ACOXL: variants seen among roughly 807,000 people sequenced by gnomAD.
ACOXL encodes the protein acyl-CoA oxidase like, also known as acyl-coenzyme A oxidase-like protein.
A neutral mutation model predicts 71.9 loss-of-function variants in ACOXL; 70 were observed. The observed-to-expected ratio is 0.97, with a 90% CI of 0.80 to 1.19. The LOEUF (loss-of-function observed/expected upper bound fraction) is 1.19. ACOXL is among the 50% of genes most tolerant of loss of function. ACOXL has a pLI of 0.00. For synonymous variants in ACOXL, 253 were observed against 281.6 expected (o/e 0.90, Z 1.02); for missense variants, 703 against 736.3 (o/e 0.95, Z 0.52).
At chr2:111,037,890 T>C (rs113761321) in intron 15 of ACOXL, among the ~76,000 whole-genome samples, 2 of 152,248 alleles carry the variant, frequency 1.3e-5, no homozygotes, top group African/African-American at 4.8e-5. Flanking sequence ...CTTGAGTTTT[T>C]GAAAGTCTTT....
chr2:110,844,550 C>CTTTTTTTTTT (rs72290322), intron 10 of ACOXL, among the ~76,000 whole-genome samples: 1 of 133,538 alleles, frequency 7.5e-6, no homozygotes, highest in Non-Finnish European at 1.6e-5. Flanking sequence ...CTTTTCTTTT[C>CTTTTTTTTTT]TTTTTTTTTT....
chr2:111,081,889 C>T (rs1574702871), intron 16 of ACOXL, among the ~76,000 whole-genome samples: 1 of 152,294 alleles, frequency 6.6e-6, no homozygotes, highest in Admixed American at 6.5e-5. Context: ...ATCATCTGAT[C>T]TTTGACAAAC....
intron 14 of ACOXL, among the ~76,000 whole-genome samples, chr2:111,026,101 A>G (rs565969281): frequency 6.6e-6 from 1 of 152,226 alleles, no homozygotes; most frequent in East Asian, 1.9e-4. Flanking sequence ...TGAACTCTCT[A>G]CTGTGTTCTA....
At chr2:110,947,934 G>A (rs1184076197) in intron 12 of ACOXL, among the ~76,000 whole-genome samples, 1 of 152,202 alleles carries the variant, frequency 6.6e-6, no homozygotes, top group Non-Finnish European at 1.5e-5. Flanking sequence ...CTCCATCTTG[G>A]CTCCTTTGAA....
intron 10 of ACOXL, among the ~76,000 whole-genome samples, chr2:110,875,819 A>T (rs1695828691): frequency 6.6e-6 from 1 of 152,058 alleles, no homozygotes; most frequent in Non-Finnish European, 1.5e-5. Flanking sequence ...ACCTAAGTGA[A>T]GCTGTTGAAA....
Position 111,117,741 on chromosome 2 carries a change from C to G in ACOXL, c.1668C>G (p.Phe556Leu), listed in dbSNP as rs903381067. 6.4e-7 allele frequency: 1 copy of G among 1,551,626 alleles called. No individual in the cohort carries two copies. Among genetic ancestry groups the G allele is most frequent in the Non-Finnish European group, 8.7e-7 (1 of 1,147,002 alleles). Residue 556 changes from phenylalanine (F) to leucine (L), a missense_variant, in exon 18 of 18, where the codon TTC (phenylalanine) becomes TTG (leucine). Physicochemically the swap from Phe to Leu is conservative, Grantham distance 22. Transcript: ENST00000439055. ...GISNPRAAWA[F>L]YPAPLQPRPR... Reference sequence around the variant, plus strand: ...CCAACCCGCGGGCCGCGTGGGCTTTCTACCCTGCACCGCTGCAGCCGCGGC... The same window carrying G: ...CCAACCCGCGGGCCGCGTGGGCTTTGTACCCTGCACCGCTGCAGCCGCGGC...
At chr2:111,089,109 G>A (rs1263173896) in intron 16 of ACOXL, among the ~76,000 whole-genome samples, 1 of 152,106 alleles carries the variant, frequency 6.6e-6, no homozygotes, top group Non-Finnish European at 1.5e-5. Flanking sequence ...GACCATCCTG[G>A]CCAACATGGT....
At chr2:110,758,328 T>C (rs1679963760) in intron 1 of ACOXL, among the ~76,000 whole-genome samples, 1 of 152,254 alleles carries the variant, frequency 6.6e-6, no homozygotes, top group South Asian at 2.1e-4. Context: ...AATAGTGTGA[T>C]GCTTCCAGCT....
intron 15 of ACOXL, among the ~76,000 whole-genome samples, chr2:111,041,023 G>A (rs899090437): frequency 6.6e-6 from 1 of 152,108 alleles, no homozygotes; most frequent in Admixed American, 6.5e-5. Flanking sequence ...TGCGTGGAGG[G>A]GTGGGTTCTG....
At chr2:110,881,541 G>GCATGGCAC (rs1361187097) in intron 10 of ACOXL, among the ~76,000 whole-genome samples, 1 of 151,962 alleles carries the variant, frequency 6.6e-6, no homozygotes, top group Non-Finnish European at 1.5e-5. Context: ...CACATTCATG[G>GCATGGCAC]CATGGCACCA....
chr2:110,793,560 C>T (rs893504615), intron 3 of ACOXL, 90 bp from the exon 4 acceptor site: 26 of 1,216,904 alleles, frequency 2.1e-5, no homozygotes, highest in Admixed American at 6.8e-5. Context: ...GGCTGAATAG[C>T]TGCTCCCTGA....
intron 10 of ACOXL, among the ~76,000 whole-genome samples, chr2:110,906,716 G>A (rs928756215): frequency 3.9e-5 from 6 of 152,162 alleles, no homozygotes; most frequent in African/African-American, 1.4e-4. Flanking sequence ...AAGCTCTGGA[G>A]CATGGGGCCA....
At chr2:110,837,186 G>A (rs991395199) in intron 9 of ACOXL, among the ~76,000 whole-genome samples, 112 of 152,258 alleles carry the variant, frequency 7.4e-4, no homozygotes, top group Middle Eastern at 6.8e-3. Context: ...TGGACTTGGA[G>A]CTGGGAGACT....
chr2:110,797,147 A>T (rs375118608), intron 5 of ACOXL, among the ~76,000 whole-genome samples: 1 of 152,190 alleles, frequency 6.6e-6, no homozygotes, highest in South Asian at 2.1e-4. Context: ...GGGAGAGCCA[A>T]GAAGTGAGGG....
intron 10 of ACOXL, among the ~76,000 whole-genome samples, chr2:110,844,540 C>T (rs1012731720): frequency 1.6e-3 from 232 of 145,220 alleles, no homozygotes; most frequent in African/African-American, 5.1e-3. Context: ...CTTTTTTTTT[C>T]TTTTCTTTTC....
chr2:111,030,924 C>G (rs1312004097), intron 14 of ACOXL, among the ~76,000 whole-genome samples: 2 of 152,158 alleles, frequency 1.3e-5, no homozygotes, highest in Non-Finnish European at 2.9e-5. Flanking sequence ...TTTCTGTTCT[C>G]TGTGCCTTCT....
At chr2:110,988,165 T>C (rs1290126452) in intron 13 of ACOXL, among the ~76,000 whole-genome samples, 1 of 152,204 alleles carries the variant, frequency 6.6e-6, no homozygotes, top group African/African-American at 2.4e-5. Flanking sequence ...CAGCCAGACA[T>C]GGTGGCTCAT....
At chr2:110,767,949 CACACACA>C (rs1681320720) in intron 1 of ACOXL, among the ~76,000 whole-genome samples, 2 of 150,386 alleles carry the variant, frequency 1.3e-5, no homozygotes, top group Non-Finnish European at 3.0e-5. Context: ...CACACACACA[CACACACA>C]CACACACACA....
At chr2:111,081,315 C>T (rs1045703866) in intron 16 of ACOXL, among the ~76,000 whole-genome samples, 1 of 152,206 alleles carries the variant, frequency 6.6e-6, no homozygotes, top group Non-Finnish European at 1.5e-5. Context: ...TAAGCAACTT[C>T]AGCAAAGTCT....
Sources: allele counts gnomAD v4.1 joint callset (sites outside exome capture counted in the v4.1 genomes callset), GRCh38; gene constraint gnomAD v4.1.1; transcripts MANE v1.5; gene names NCBI Gene and HGNC (gene_info 2026-07-23, HGNC 2026-07-21).